ADCY5: variants seen among roughly 807,000 people sequenced by gnomAD.
ADCY5 encodes adenylate cyclase 5.
In ADCY5, 30 loss-of-function variants were observed where a neutral mutation model predicts 119.7. The observed-to-expected ratio is 0.25, with a 90% CI of 0.19 to 0.34. The LOEUF is 0.34. Among genes scored for constraint, ADCY5 ranks in the 10% least tolerant of loss-of-function variants. ADCY5 has a pLI of 1.00. For missense variants in ADCY5, 1,324 were observed against 1,775.2 expected (o/e 0.75, Z 4.57); for synonymous variants, 753 against 762.2 (o/e 0.99, Z 0.20).
At chr3:123,396,575 A>AGG in intron 1 of ADCY5, among the ~76,000 whole-genome samples, 1 of 146,006 alleles carries the variant, frequency 6.8e-6, no homozygotes, top group African/African-American at 2.6e-5. Flanking sequence ...AAAGGAAGAA[A>AGG]AAGAAAAGAA....
At chr3:123,359,331 A>AATATATATATATATATATATATGTAT (rs1943155570) in intron 1 of ADCY5, among the ~76,000 whole-genome samples, 1 of 109,766 alleles carries the variant, frequency 9.1e-6, no homozygotes, top group Non-Finnish European at 1.8e-5. Context: ...CTTATACTAA[A>AATATATATATATATATATATATGTAT]ATATATATAT....
intron 1 of ADCY5, among the ~76,000 whole-genome samples, chr3:123,356,899 A>G (rs1943058164): frequency 6.6e-6 from 1 of 152,180 alleles, no homozygotes; most frequent in South Asian, 2.1e-4. Context: ...AAATCTTTGC[A>G]TAAATACTCA....
At position 123,303,657 on chromosome 3, in the gene ADCY5, T is replaced by TA. The variant is rs199899444; in HGVS notation, c.2559+409dup. On this transcript the variant is annotated intron_variant, in intron 13 of 20. Coordinates refer to ENST00000462833, the MANE Select transcript of ADCY5 (RefSeq NM_183357.3). ...TGGCAACATGGGGAAACCCCATCTC[T>TA]AAAAAAAACAGACAAAAATTAGCTG... Among the ~76,000 whole-genome samples the TA allele has an allele frequency of 7.4e-3, 1,129 of 151,856 alleles. 7 individuals are homozygous for TA. Among genetic ancestry groups the TA allele is most frequent in the African/African-American group, 0.025 (1,049 of 41,404 alleles).
At chr3:123,419,934 C>CA (rs1559872530) in intron 1 of ADCY5, among the ~76,000 whole-genome samples, 1 of 152,126 alleles carries the variant, frequency 6.6e-6, no homozygotes, top group Non-Finnish European at 1.5e-5. Context: ...GACACCCCCC[C>CA]ACCCCTCCAC....
rs1166071619 is a variant in ADCY5, at chr3:123,304,093, C to T, written c.2533G>A (p.Val845Met). 1.9e-6 allele frequency: 3 copies of T among 1,613,600 alleles called. No individual in the cohort carries two copies. Among genetic ancestry groups the T allele is most frequent in the East Asian group, 2.2e-5 (1 of 44,864 alleles). Residue 845 changes from valine (V) to methionine (M), a missense_variant, in exon 13 of 21, where the codon GTG (valine) becomes ATG (methionine). By Grantham distance (21) the Val-to-Met change is conservative. This residue lies in a region of ADCY5 where 424 missense variants were observed against 546.8 expected (regional missense o/e 0.78). Transcript: ENST00000462833. ...TLVGVFTITL[V>M]FLAAFVNMFT... ...ATGTTGACAAAAGCCGCCAGGAACACCAGGGTGATGGTGAACACCCCAACC... is the reference window on the plus strand; with the variant it reads ...ATGTTGACAAAAGCCGCCAGGAACATCAGGGTGATGGTGAACACCCCAACC...
At chr3:123,432,718 G>A (rs1945545795) in intron 1 of ADCY5, among the ~76,000 whole-genome samples, 1 of 152,060 alleles carries the variant, frequency 6.6e-6, no homozygotes, top group African/African-American at 2.4e-5. Flanking sequence ...GTAGAAACAG[G>A]GACTTGCTAT....
chr3:123,447,359 G>A, intron 1 of ADCY5, 53 bp downstream of exon 1: 1 of 1,448,400 alleles, frequency 6.9e-7, no homozygotes, highest in Non-Finnish European at 9.1e-7. Context: ...TTGGAGTCCA[G>A]CTGAGGCCTG....
In ADCY5 at chr3:123,304,081, C is replaced by T; in HGVS notation, c.2545G>A (p.Ala849Thr). The change falls in exon 13 of 21, where the codon GCT (alanine) becomes ACT (threonine). Residue 849 changes from alanine to threonine, a missense_variant. By Grantham distance (58) the Ala-to-Thr change is moderately conservative. Around this residue, in one of 6 missense-constraint regions of ADCY5, gnomAD observed 424 missense variants for 546.8 expected, o/e 0.78. Coordinates refer to ENST00000462833, the MANE Select transcript of ADCY5 (RefSeq NM_183357.3). ...VFTITLVFLA[A>T]FVNMFTCNSR... ...CAGCCACCCACCATGTTGACAAAAG[C>T]CGCCAGGAACACCAGGGTGATGGTG... The T allele has an allele frequency of 6.2e-7, 1 of 1,613,150 alleles. No individual in the cohort carries two copies. Among genetic ancestry groups the T allele is most frequent in the Non-Finnish European group, 8.5e-7 (1 of 1,179,228 alleles).
intron 1 of ADCY5, among the ~76,000 whole-genome samples, chr3:123,399,057 A>G (rs1487919321): frequency 6.6e-6 from 1 of 152,146 alleles, no homozygotes; most frequent in Non-Finnish European, 1.5e-5. Flanking sequence ...ACCCTCCCCA[A>G]GCTTCAGCCC....
chr3:123,367,897 T>C (rs1943503178), intron 1 of ADCY5: 1 of 1,533,782 alleles, frequency 6.5e-7, no homozygotes, highest in African/African-American at 1.4e-5. Flanking sequence ...ACCAAGTGCT[T>C]ACCTTACCTC....
In ADCY5 at chr3:123,444,334, G is replaced by C. The variant is rs568536557; in HGVS notation, c.1134+3078C>G. On this transcript the variant is annotated intron_variant, in intron 1 of 20. Transcript: ENST00000462833. ...GGCTGAGAGGCCTCGAACAGGGAGGGAGAGATGGGAAAGCAGAGCCTGCAG... is the reference window on the plus strand; with the variant it reads ...GGCTGAGAGGCCTCGAACAGGGAGGCAGAGATGGGAAAGCAGAGCCTGCAG... Among the ~76,000 whole-genome samples, 14 of 152,322 alleles carry C rather than the reference G, an allele frequency of 9.2e-5. No homozygotes were observed. In the East Asian group the frequency reaches 2.3e-3, roughly 25 times the overall value.
chr3:123,344,363 T>C (rs1389535718), intron 3 of ADCY5, among the ~76,000 whole-genome samples: 2 of 152,156 alleles, frequency 1.3e-5, no homozygotes. Context: ...TTGATATGAG[T>C]GTGATCATAA....
intron 1 of ADCY5, among the ~76,000 whole-genome samples, chr3:123,355,810 C>T (rs953174253): frequency 6.6e-6 from 1 of 152,100 alleles, no homozygotes; most frequent in Non-Finnish European, 1.5e-5. Context: ...AATTGATACA[C>T]AGATGCAACA....
chr3:123,354,569 A>C (rs1330499496), intron 1 of ADCY5, among the ~76,000 whole-genome samples: 1 of 152,184 alleles, frequency 6.6e-6, no homozygotes, highest in African/African-American at 2.4e-5. Context: ...GGAAGAGATG[A>C]GGAAGTGAAG....
intron 15 of ADCY5, among the ~76,000 whole-genome samples, chr3:123,298,830 CTTTTT>C (rs35856404): frequency 9.8e-6 from 1 of 102,532 alleles, no homozygotes; most frequent in African/African-American, 3.8e-5. Flanking sequence ...AAAACTGTCA[CTTTTT>C]TTTTTTTTTT....
chr3:123,414,102 C>T (rs142139469), intron 1 of ADCY5, among the ~76,000 whole-genome samples: 2,774 of 152,234 alleles, frequency 0.018, 76 homozygotes, highest in African/African-American at 0.062. Context: ...ATAAGCTGCC[C>T]GGCATCTGCC....
At chr3:123,341,997 T>C (rs1206028399) in intron 3 of ADCY5, among the ~76,000 whole-genome samples, 1 of 152,146 alleles carries the variant, frequency 6.6e-6, no homozygotes, top group African/African-American at 2.4e-5. Flanking sequence ...AGATCTTGGC[T>C]CGCTGTAACC....
In ADCY5 at chr3:123,304,145, G is replaced by T. The variant is rs75494273; in HGVS notation, c.2481C>A (p.Ile827=). The change falls in exon 13 of 21, where the codon ATC becomes ATA. Residue 827 remains isoleucine, a synonymous_variant. Transcript: ENST00000462833. ...PSPLQTLSRK[I]VRSKMNSTLV... ...GGGTGCTGTTCATCTTGGACCGCAC[G>T]ATCTTCCTGGAGAGGGTCTGCAGTG... 3.5e-3 allele frequency: 4,888 copies of T among 1,401,238 alleles called. 213 individuals carry two copies. The East Asian group carries it at 0.14, about 41-fold the overall frequency. The allele number at this position is 1,401,238 out of a possible 1,614,324, so 86.8% of individuals were successfully genotyped here.
At chr3:123,433,782 T>C (rs923891646) in intron 1 of ADCY5, among the ~76,000 whole-genome samples, 3 of 152,160 alleles carry the variant, frequency 2.0e-5, no homozygotes, top group Non-Finnish European at 2.9e-5. Flanking sequence ...GTCCCACTTA[T>C]GCCACCAGAA....
Sources: allele counts gnomAD v4.1 joint callset (sites outside exome capture counted in the v4.1 genomes callset), GRCh38; gene constraint gnomAD v4.1.1; regional missense constraint gnomAD v4.1.1; transcripts MANE v1.5; gene names NCBI Gene and HGNC (gene_info 2026-07-23, HGNC 2026-07-21).